The following SCGN variants were observed in gnomAD, a reference collection of about 807,000 sequenced individuals.
The protein encoded by SCGN is secretagogin, EF-hand calcium binding protein.
In SCGN, 30 loss-of-function variants were observed where a neutral mutation model predicts 39.7. That is an observed-to-expected ratio of 0.76 (90% CI 0.57 to 1.03). The LOEUF (loss-of-function observed/expected upper bound fraction) is 1.03. Ranked by LOEUF, SCGN falls within the 50% of genes least tolerant of loss-of-function variation. The pLI is 0.00. For synonymous variants in SCGN, 106 were observed against 114.1 expected (o/e 0.93, Z 0.45); for missense variants, 353 against 349.4 (o/e 1.01, Z -0.08).
intron 1 of SCGN, 97 bp from the exon 2 acceptor site, chr6:25,653,285 A>G: frequency 1.2e-6 from 1 of 835,274 alleles, no homozygotes; most frequent in Non-Finnish European, 1.9e-6. Context: ...TGTTGAGGGA[A>G]GCTTTATGAA....
chr6:25,679,020 A>G (rs1759601945), intron 6 of SCGN: 1 of 151,720 alleles, frequency 6.6e-6, no homozygotes, highest in South Asian at 2.1e-4. Context: ...GATACTAGAT[A>G]AGCTAGAGAA....
At chr6:25,693,465 AAAAAAAAAAAAGG>A (rs1487517739) in intron 10 of SCGN, among the ~76,000 whole-genome samples, 1 of 150,944 alleles carries the variant, frequency 6.6e-6, no homozygotes, top group Non-Finnish European at 1.5e-5. Flanking sequence ...AAAAAAAAAA[AAAAAAAAAAAAGG>A]AACAAAGCTG....
chr6:25,695,192 A>T (rs1445311665), intron 10 of SCGN, among the ~76,000 whole-genome samples: 1 of 152,244 alleles, frequency 6.6e-6, no homozygotes, highest in East Asian at 1.9e-4. Context: ...ATAAGATTAC[A>T]GGTCTTTGAG....
At chr6:25,669,896 T>C in intron 5 of SCGN, 103 bp from the exon 6 acceptor site, 1 of 963,522 alleles carries the variant, frequency 1.0e-6, no homozygotes. Flanking sequence ...TTTTATTTCC[T>C]CCTGGAAACA....
At chr6:25,694,490 T>G (rs1759814180) in intron 10 of SCGN, among the ~76,000 whole-genome samples, 1 of 152,214 alleles carries the variant, frequency 6.6e-6, no homozygotes, top group Non-Finnish European at 1.5e-5. Context: ...CCTTTTAGCC[T>G]CTCTGTTTCT....
At chr6:25,693,409 GC>G (rs1237321658) in intron 10 of SCGN, among the ~76,000 whole-genome samples, 2 of 128,924 alleles carry the variant, frequency 1.6e-5, no homozygotes, top group Non-Finnish European at 3.1e-5. Flanking sequence ...CTGAGATTGG[GC>G]CACTGCACTC....
chr6:25,693,325 G>A (rs948533369), intron 10 of SCGN, among the ~76,000 whole-genome samples: 1 of 151,568 alleles, frequency 6.6e-6, no homozygotes, highest in Non-Finnish European at 1.5e-5. Flanking sequence ...GGTGGTGGGC[G>A]CCTGTAGTCC....
intron 10 of SCGN, among the ~76,000 whole-genome samples, chr6:25,699,034 T>C (rs1016177608): frequency 2.0e-5 from 3 of 152,144 alleles, no homozygotes; most frequent in East Asian, 3.9e-4. Flanking sequence ...ATGATGTTTT[T>C]AGTGATTTTG....
intron 7 of SCGN, among the ~76,000 whole-genome samples, chr6:25,685,993 C>T (rs1342571462): frequency 6.6e-6 from 1 of 152,150 alleles, no homozygotes; most frequent in Non-Finnish European, 1.5e-5. Flanking sequence ...AATGGAATCA[C>T]ACAATATGTG....
chr6:25,671,273 G>C (rs1262880880), intron 6 of SCGN, among the ~76,000 whole-genome samples: 4 of 152,198 alleles, frequency 2.6e-5, no homozygotes, highest in Non-Finnish European at 5.9e-5. Context: ...TCACCACCAG[G>C]TTGCGTTCTT....
chr6:25,689,751 A>C (rs1236961194), intron 9 of SCGN, among the ~76,000 whole-genome samples: 1 of 151,924 alleles, frequency 6.6e-6, no homozygotes, highest in African/African-American at 2.4e-5. Context: ...GAAAAAAATG[A>C]CTTTTTTTTT....
intron 6 of SCGN, among the ~76,000 whole-genome samples, chr6:25,672,452 G>A (rs1177233096): frequency 6.6e-6 from 1 of 152,196 alleles, no homozygotes; most frequent in Non-Finnish European, 1.5e-5. Flanking sequence ...GTAGGGGACT[G>A]GGAAGAAGGG....
intron 2 of SCGN, among the ~76,000 whole-genome samples, chr6:25,659,765 T>C (rs1432504350): frequency 6.6e-6 from 1 of 152,226 alleles, no homozygotes; most frequent in East Asian, 1.9e-4. Flanking sequence ...CTGGGTTTTA[T>C]GCCTGAGAGC....
intron 3 of SCGN, among the ~76,000 whole-genome samples, chr6:25,663,956 C>A (rs1760385060): frequency 6.6e-6 from 1 of 152,174 alleles, no homozygotes; most frequent in African/African-American, 2.4e-5. Flanking sequence ...GTACAAGACA[C>A]TGAGCAAACT....
intron 10 of SCGN, among the ~76,000 whole-genome samples, chr6:25,697,772 C>A (rs1194535260): frequency 2.0e-5 from 3 of 152,214 alleles, no homozygotes; most frequent in Non-Finnish European, 4.4e-5. Flanking sequence ...GATCCACTCT[C>A]ACACTGTCCT....
rs756270340 is a variant in SCGN, at chr6:25,653,488, C to T, written c.153+36C>T. 11 of 1,475,774 alleles carry T rather than the reference C, an allele frequency of 7.5e-6. No individual in the cohort carries two copies. In the African/African-American group the frequency reaches 8.3e-5, roughly 11 times the overall value. The allele number at this position is 1,475,774 out of a possible 1,614,324, so 91.4% of individuals were successfully genotyped here. A position where few individuals can be genotyped will look rare whatever the true frequency, so the allele number is the denominator to read the frequency against. On this transcript the variant is annotated intron_variant, in intron 2 of 10. Transcript: ENST00000377961. Reference sequence around the variant, plus strand: ...GCACACTAAGCCTTAATTTATGCCTCTTAGTAAGATACGCACATCCAAGTC... The same window carrying T: ...GCACACTAAGCCTTAATTTATGCCTTTTAGTAAGATACGCACATCCAAGTC...
intron 10 of SCGN, among the ~76,000 whole-genome samples, chr6:25,691,439 C>T (rs1426571587): frequency 6.6e-6 from 1 of 152,120 alleles, no homozygotes; most frequent in Non-Finnish European, 1.5e-5. Context: ...GTCCCTCTTC[C>T]CCTCAGACTT....
At position 25,652,231 on chromosome 6, in the gene SCGN, C is replaced by A. The variant is rs932011052; in HGVS notation, c.-173C>A. 9 of 593,786 alleles carry A rather than the reference C, an allele frequency of 1.5e-5. No homozygotes were observed. Among genetic ancestry groups the A allele is most frequent in the East Asian group, 2.9e-5 (1 of 34,350 alleles). 36.8% of individuals were successfully genotyped at this position (593,786 alleles called of 1,614,324 possible). On this transcript the variant is annotated 5_prime_UTR_variant, in exon 1 of 11. Transcript: ENST00000377961. ...GCTGGTTTTGCTGAGGGCTGAGGGA[C>A]GGCTCAGCGACGCCACGGCCAGCAG...
intron 6 of SCGN, among the ~76,000 whole-genome samples, chr6:25,676,884 T>G (rs1301490288): frequency 1.3e-5 from 2 of 152,220 alleles, no homozygotes; most frequent in African/African-American, 4.8e-5. Flanking sequence ...TACATATTTG[T>G]TAAATGAATG....
Sources: allele counts gnomAD v4.1 joint callset (sites outside exome capture counted in the v4.1 genomes callset), GRCh38; gene constraint gnomAD v4.1.1; transcripts MANE v1.5; gene names NCBI Gene and HGNC (gene_info 2026-07-23, HGNC 2026-07-21).